Variants in PCLO observed in about 807,000 individuals in gnomAD.
PCLO encodes the protein protein piccolo.
A neutral mutation model predicts 427.5 loss-of-function variants in PCLO; 82 were observed. The observed-to-expected ratio is 0.19, with a 90% CI of 0.16 to 0.23. The LOEUF (loss-of-function observed/expected upper bound fraction) is 0.23. PCLO is among the 10% of genes least tolerant of loss of function. The pLI is 1.00. For synonymous variants in PCLO, 2,357 were observed against 2,155.4 expected (o/e 1.09, Z -2.59); for missense variants, 6,239 against 6,115.9 (o/e 1.02, Z -0.67).
At chr7:82,794,459 CTTTTTTTTT>C (rs778108792) in intron 22 of PCLO, among the ~76,000 whole-genome samples, 6 of 56,350 alleles carry the variant, frequency 1.1e-4, no homozygotes, top group Admixed American at 2.7e-4. Context: ...AATTTTTTTT[CTTTTTTTTT>C]TTTTTTTTTT....
intron 20 of PCLO, among the ~76,000 whole-genome samples, chr7:82,807,232 C>T (rs1005525861): frequency 6.6e-6 from 1 of 151,244 alleles, no homozygotes; most frequent in Admixed American, 6.6e-5. Flanking sequence ...TGTCTTTGAG[C>T]TTAAATAGTC....
intron 3 of PCLO, among the ~76,000 whole-genome samples, chr7:82,995,907 T>G (rs190047471): frequency 3.0e-4 from 46 of 152,056 alleles, no homozygotes; most frequent in Non-Finnish European, 6.0e-4. Context: ...CGTACAAATG[T>G]CTATTGGAAG....
At chr7:82,896,401 T>A (rs778011730) in intron 9 of PCLO, among the ~76,000 whole-genome samples, 16 of 151,600 alleles carry the variant, frequency 1.1e-4, no homozygotes, top group Non-Finnish European at 1.8e-4. Context: ...ACACCAAAAC[T>A]GTATATTGAA....
intron 3 of PCLO, among the ~76,000 whole-genome samples, chr7:83,112,867 A>G (rs1290546371): frequency 2.6e-5 from 4 of 152,210 alleles, no homozygotes; most frequent in Non-Finnish European, 5.9e-5. Context: ...TTACCAAACT[A>G]TAGAAAATAA....
At chr7:82,982,976 T>C (rs911823225) in intron 3 of PCLO, among the ~76,000 whole-genome samples, 37 of 151,780 alleles carry the variant, frequency 2.4e-4, no homozygotes, top group Admixed American at 1.8e-3. Context: ...TCACCTGTGA[T>C]TGGGAAAATT....
chr7:83,036,285 C>T (rs767448713), intron 3 of PCLO, among the ~76,000 whole-genome samples: 14 of 152,038 alleles, frequency 9.2e-5, no homozygotes, highest in Non-Finnish European at 1.6e-4. Context: ...GTTTCTGATT[C>T]GGTTAGTAGG....
chr7:82,987,340 A>C (rs993763256), intron 3 of PCLO, among the ~76,000 whole-genome samples: 3 of 152,028 alleles, frequency 2.0e-5, no homozygotes, highest in African/African-American at 7.2e-5. Context: ...GGGGGACTTA[A>C]GTAAAGTAAT....
intron 10 of PCLO, among the ~76,000 whole-genome samples, chr7:82,869,580 G>C (rs1793179355): frequency 6.6e-6 from 1 of 151,982 alleles, no homozygotes; most frequent in African/African-American, 2.4e-5. Context: ...CGAAATGCCA[G>C]GATTTAATAT....
intron 3 of PCLO, among the ~76,000 whole-genome samples, chr7:83,102,651 T>C (rs1415995324): frequency 2.0e-5 from 3 of 151,974 alleles, no homozygotes; most frequent in Admixed American, 1.3e-4. Flanking sequence ...ATAATGATAA[T>C]GTAAATTATC....
chr7:82,899,419 A>T (rs1412066871), intron 9 of PCLO, among the ~76,000 whole-genome samples: 1 of 151,486 alleles, frequency 6.6e-6, no homozygotes, highest in African/African-American at 2.4e-5. Context: ...TCATATGTAG[A>T]TGTATTTACA....
intron 3 of PCLO, among the ~76,000 whole-genome samples, chr7:83,007,492 CAACTT>C (rs1187683698): frequency 1.3e-5 from 2 of 151,348 alleles, no homozygotes; most frequent in Non-Finnish European, 3.0e-5. Flanking sequence ...AAAACGATAA[CAACTT>C]AAATTTCCAA....
chr7:83,065,246 C>A (rs1254689124), intron 3 of PCLO, among the ~76,000 whole-genome samples: 1 of 152,018 alleles, frequency 6.6e-6, no homozygotes, highest in East Asian at 1.9e-4. Context: ...TTTTAAAATT[C>A]TTCTGCTTAA....
At chr7:82,998,165 T>C (rs1177907925) in intron 3 of PCLO, among the ~76,000 whole-genome samples, 1 of 151,918 alleles carries the variant, frequency 6.6e-6, no homozygotes, top group Non-Finnish European at 1.5e-5. Flanking sequence ...AATTGACAAA[T>C]TGCTGGAGTC....
chr7:82,836,790 G>A (rs1470108240), intron 15 of PCLO, among the ~76,000 whole-genome samples: 1 of 152,144 alleles, frequency 6.6e-6, no homozygotes, highest in Non-Finnish European at 1.5e-5. Context: ...TGATCTGCCT[G>A]TGGTGATATA....
Position 82,955,045 on chromosome 7 carries a change from C to T in PCLO, c.5908G>A (p.Asp1970Asn). Residue 1970 changes from aspartate to asparagine, a missense_variant, in exon 5 of 25, where the codon GAT (aspartate) becomes AAT (asparagine). Physicochemically the swap from Asp to Asn is conservative, Grantham distance 23. Around this residue, in one of 5 missense-constraint regions of PCLO, gnomAD observed 4,677 missense variants for 4,468.4 expected, o/e 1.05. Coordinates refer to ENST00000333891, the MANE Select transcript of PCLO (RefSeq NM_033026.6). ...LVEDTYNGSV[D>N]GSLLTRQEEE... is the part of the protein sequence containing the mutation. Reference sequence around the variant, plus strand: ...TCTTGCCTTGTTAGCAGACTGCCATCTACCGATCCATTGTACGTGTCTTCT... The same window carrying T: ...TCTTGCCTTGTTAGCAGACTGCCATTTACCGATCCATTGTACGTGTCTTCT... 6.2e-7 allele frequency: 1 copy of T among 1,613,828 alleles called. No homozygotes were observed. The highest frequency in any genetic ancestry group is 1.3e-5 in the African/African-American group (1 of 75,052).
rs1370983141 is a variant in PCLO, at chr7:83,155,048, A to C, written c.1593T>G (p.Ser531=). 6.2e-7 allele frequency: 1 copy of C among 1,608,202 alleles called. No homozygotes were observed. Among genetic ancestry groups the C allele is most frequent in the Non-Finnish European group, 8.5e-7 (1 of 1,178,630 alleles). ...AGGGTTTTGCTGAGCCAGGCTGTTG[A>C]GATGGGGGTTTTGTTGAGCCAGGCT... The part of the protein sequence containing the change: ...PQQPGSTKPP[S]QQPGSAKPSA... Residue 531 remains serine (S), a synonymous_variant, in exon 2 of 25, where the codon TCT becomes TCG. Coordinates refer to ENST00000333891, the MANE Select transcript of PCLO (RefSeq NM_033026.6).
chr7:83,122,892 A>T (rs1791324865), intron 3 of PCLO, among the ~76,000 whole-genome samples: 1 of 152,158 alleles, frequency 6.6e-6, no homozygotes, highest in African/African-American at 2.4e-5. Flanking sequence ...CAATTGCTAC[A>T]AATTAAATTA....
At chr7:82,914,297 C>T (rs1157357944) in intron 7 of PCLO, 1 of 418,300 alleles carries the variant, frequency 2.4e-6, no homozygotes, top group African/African-American at 2.1e-5. Context: ...ATTTCAGAAA[C>T]TGAAACTGAC....
At chr7:82,794,447 T>C (rs1791172156) in intron 22 of PCLO, among the ~76,000 whole-genome samples, 1 of 118,760 alleles carries the variant, frequency 8.4e-6, no homozygotes, top group Non-Finnish European at 1.8e-5. Context: ...TGCTAGTTCA[T>C]AAATTTTTTT....
Sources: allele counts gnomAD v4.1 joint callset (sites outside exome capture counted in the v4.1 genomes callset), GRCh38; gene constraint gnomAD v4.1.1; regional missense constraint gnomAD v4.1.1; transcripts MANE v1.5; gene names NCBI Gene and HGNC (gene_info 2026-07-23, HGNC 2026-07-21).